The following RARB variants were observed in gnomAD, a reference collection of about 807,000 sequenced individuals.
RARB encodes retinoic acid receptor beta, also known as HBV-activated protein.
Under a neutral mutation model 51.9 loss-of-function variants are expected in RARB, and 17 were observed. The ratio of observed to expected loss-of-function variants is 0.33; its 90% CI spans 0.22 to 0.49. RARB has a LOEUF of 0.49. Among genes scored for constraint, RARB ranks in the 20% least tolerant of loss-of-function variants. The pLI is 0.99. For missense variants in RARB, 369 were observed against 550.8 expected (o/e 0.67, Z 3.30); for synonymous variants, 215 against 195.4 (o/e 1.10, Z -0.84).
chr3:25,424,810 G>A (rs1463760653), upstream of RARB, among the ~76,000 whole-genome samples: 6 of 152,176 alleles, frequency 3.9e-5, no homozygotes, highest in Admixed American at 3.9e-4. Flanking sequence ...AAACTCTCCA[G>A]TTCAAACATG....
intron 2 of RARB, among the ~76,000 whole-genome samples, chr3:25,033,045 A>C (rs1697908354): frequency 6.6e-6 from 1 of 152,202 alleles, no homozygotes; most frequent in Non-Finnish European, 1.5e-5. Flanking sequence ...TAAAATAATC[A>C]TCAAATATCT....
At chr3:25,200,522 C>G (rs1165489918) in intron 5 of RARB, among the ~76,000 whole-genome samples, 1 of 152,096 alleles carries the variant, frequency 6.6e-6, no homozygotes, top group Non-Finnish European at 1.5e-5. Context: ...TTGCCCATGT[C>G]TATGTCCTGA....
chr3:25,065,097 A>C (rs1312978194), intron 3 of RARB, among the ~76,000 whole-genome samples: 2 of 149,634 alleles, frequency 1.3e-5, no homozygotes, highest in Admixed American at 6.7e-5. Flanking sequence ...AGTATGCTTC[A>C]TTTTAAATAC....
chr3:25,107,852 A>T (rs1299548587), intron 3 of RARB, among the ~76,000 whole-genome samples: 5 of 152,204 alleles, frequency 3.3e-5, no homozygotes, highest in Non-Finnish European at 7.3e-5. Flanking sequence ...CTTACTGTAG[A>T]TCTTAGCAAC....
intron 2 of RARB, among the ~76,000 whole-genome samples, chr3:25,006,417 G>C (rs765091541): frequency 6.6e-6 from 1 of 152,132 alleles, no homozygotes. Flanking sequence ...CAGTTGTGAC[G>C]TTGGCTTTCA....
rs914613598 is a variant in RARB, at chr3:25,249,112, G to A, written c.178+74537G>A. Among the ~76,000 whole-genome samples the A allele has an allele frequency of 5.3e-5, 8 of 152,040 alleles. No individual in the cohort carries two copies. The South Asian group carries it at 1.7e-3, about 32-fold the overall frequency. Reference sequence around the variant, plus strand: ...TTATGGCATCCTATACATTATGTGGGCATTCTTCATTCTTTTTTATTCTTT... The same window carrying A: ...TTATGGCATCCTATACATTATGTGGACATTCTTCATTCTTTTTTATTCTTT... On this transcript the variant is annotated intron_variant, in intron 5 of 11. Transcript: ENST00000383772.
At chr3:25,369,634 C>G (rs1345848998) in intron 5 of RARB, among the ~76,000 whole-genome samples, 1 of 152,136 alleles carries the variant, frequency 6.6e-6, no homozygotes, top group Non-Finnish European at 1.5e-5. Flanking sequence ...AAGATGTTCA[C>G]TTTCATGGCC....
At chr3:25,390,989 C>T (rs1706937385) in intron 5 of RARB, among the ~76,000 whole-genome samples, 1 of 151,874 alleles carries the variant, frequency 6.6e-6, no homozygotes, top group African/African-American at 2.4e-5. Flanking sequence ...GATTTTGGTG[C>T]ACCCGTCACC....
intron 5 of RARB, among the ~76,000 whole-genome samples, chr3:25,350,883 C>T (rs1369130921): frequency 1.3e-5 from 2 of 152,112 alleles, no homozygotes; most frequent in Non-Finnish European, 2.9e-5. Flanking sequence ...TGGGGTGTAC[C>T]CTCTGCCAGT....
intron 5 of RARB, among the ~76,000 whole-genome samples, chr3:25,202,119 A>G (rs1393871280): frequency 6.6e-6 from 1 of 152,042 alleles, no homozygotes; most frequent in Non-Finnish European, 1.5e-5. Context: ...AGATCCTGTT[A>G]TTGGTCTATT....
intron 5 of RARB, among the ~76,000 whole-genome samples, chr3:25,344,833 T>C (rs1037145996): frequency 3.9e-5 from 6 of 152,348 alleles, no homozygotes; most frequent in African/African-American, 1.4e-4. Context: ...AGCATGTTTT[T>C]CTTGTTCATT....
intron 3 of RARB, among the ~76,000 whole-genome samples, chr3:25,512,033 A>T (rs1197541761): frequency 3.3e-5 from 5 of 152,188 alleles, no homozygotes; most frequent in Non-Finnish European, 5.9e-5. Context: ...CAGGTCACTT[A>T]ACATCTGTGT....
At chr3:25,544,880 A>G (rs940471849) in intron 3 of RARB, among the ~76,000 whole-genome samples, 17 of 152,160 alleles carry the variant, frequency 1.1e-4, no homozygotes, top group African/African-American at 3.6e-4. Context: ...CACTAAGTTC[A>G]CTTGAGCTAT....
chr3:24,992,327 C>T (rs959616714), intron 2 of RARB, among the ~76,000 whole-genome samples: 3 of 152,074 alleles, frequency 2.0e-5, no homozygotes, highest in African/African-American at 2.4e-5. Context: ...CTGGTTTTGA[C>T]GTCATGATTA....
At chr3:24,862,218 G>C (rs1372355420) in intron 2 of RARB, among the ~76,000 whole-genome samples, 1 of 152,150 alleles carries the variant, frequency 6.6e-6, no homozygotes, top group Non-Finnish European at 1.5e-5. Flanking sequence ...TCTCACTCTT[G>C]TTATAGATTC....
chr3:25,270,360 T>A (rs761439593), intron 5 of RARB, among the ~76,000 whole-genome samples: 5 of 152,094 alleles, frequency 3.3e-5, no homozygotes, highest in African/African-American at 1.2e-4. Context: ...GGACATTAAG[T>A]GAAATTAAGC....
chr3:25,563,973 A>G (rs1328218437), intron 3 of RARB, among the ~76,000 whole-genome samples: 2 of 149,680 alleles, frequency 1.3e-5, no homozygotes, highest in Admixed American at 1.3e-4. Flanking sequence ...TTGATGTGAA[A>G]GGATTTTTAG....
intron 1 of RARB, among the ~76,000 whole-genome samples, chr3:25,443,659 C>T (rs945120644): frequency 7.3e-5 from 11 of 151,146 alleles, no homozygotes; most frequent in Non-Finnish European, 1.3e-4. Flanking sequence ...GGACCGGTTG[C>T]GGTGGCTCAT....
At chr3:25,008,735 C>G (rs906378340) in intron 2 of RARB, among the ~76,000 whole-genome samples, 1 of 152,092 alleles carries the variant, frequency 6.6e-6, no homozygotes, top group Non-Finnish European at 1.5e-5. Flanking sequence ...TTCCCAGAAA[C>G]CTTCCCTATC....
Sources: allele counts gnomAD v4.1 joint callset (sites outside exome capture counted in the v4.1 genomes callset), GRCh38; gene constraint gnomAD v4.1.1; transcripts MANE v1.5; gene names NCBI Gene and HGNC (gene_info 2026-07-23, HGNC 2026-07-21).